Variants in WWC1 observed in about 807,000 individuals in gnomAD.
WWC1 encodes protein KIBRA.
Under a neutral mutation model 138.4 loss-of-function variants are expected in WWC1, and 55 were observed. The ratio of observed to expected loss-of-function variants is 0.40; its 90% CI spans 0.32 to 0.50. The LOEUF (loss-of-function observed/expected upper bound fraction) is 0.50, where lower values mean the gene tolerates loss of function less well. Among genes scored for constraint, WWC1 ranks in the 20% least tolerant of loss-of-function variants. The pLI is 0.72. For missense variants in WWC1, 1,226 were observed against 1,420.4 expected, an observed-to-expected ratio of 0.86 and a Z score of 2.20; for synonymous variants, 524 against 564.9, an observed-to-expected ratio of 0.93 and a Z score of 1.03.
intron 1 of WWC1, among the ~76,000 whole-genome samples, chr5:168,328,863 C>G (rs1270868012): frequency 1.3e-5 from 2 of 152,106 alleles, no homozygotes; most frequent in Non-Finnish European, 2.9e-5. Context: ...TTCCCTTTCC[C>G]CAAAAGTACT....
intron 1 of WWC1, among the ~76,000 whole-genome samples, chr5:168,294,538 C>T (rs1014827852): frequency 4.1e-5 from 6 of 147,672 alleles, no homozygotes; most frequent in South Asian, 2.1e-4. Context: ...CATGGAGAGG[C>T]GGCAGAAACA....
At chr5:168,438,752 A>C (rs1053033902) in intron 15 of WWC1, among the ~76,000 whole-genome samples, 1 of 152,084 alleles carries the variant, frequency 6.6e-6, no homozygotes, top group African/African-American at 2.4e-5. Flanking sequence ...GCCTCTGAGG[A>C]ATGATTAATT....
chr5:168,382,567 G>A (rs989125429), intron 2 of WWC1, among the ~76,000 whole-genome samples: 2 of 152,210 alleles, frequency 1.3e-5, no homozygotes, highest in Admixed American at 1.3e-4. Flanking sequence ...AGCTGGAGGT[G>A]TAGGGCAGAT....
Position 168,457,174 on chromosome 5 carries a change from A to G in WWC1, c.2823+1654A>G, listed in dbSNP as rs114906109. On this transcript the variant is annotated intron_variant, in intron 19 of 22. Transcript: ENST00000265293. Reference sequence around the variant, plus strand: ...TTTTTTTTTTTTTTAGCAAAGTCATATATTTTTCCTTCTTTGCTTTCTAGT... The same window carrying G: ...TTTTTTTTTTTTTTAGCAAAGTCATGTATTTTTCCTTCTTTGCTTTCTAGT... Among the ~76,000 whole-genome samples, 1,280 of 136,052 alleles carry G rather than the reference A, an allele frequency of 9.4e-3. 15 individuals carry two copies. Among genetic ancestry groups the G allele is most frequent in the African/African-American group, 0.033 (1,214 of 36,948 alleles). The allele number at this position is 136,052 out of a possible 152,430, so 89.3% of individuals were successfully genotyped here.
chr5:168,354,650 T>A (rs901911473), intron 1 of WWC1, among the ~76,000 whole-genome samples: 1 of 152,178 alleles, frequency 6.6e-6, no homozygotes, highest in African/African-American at 2.4e-5. Flanking sequence ...GACTTGCCAG[T>A]CTAGACATCT....
At position 168,470,307 on chromosome 5, in the gene WWC1, G is replaced by A. The variant is rs1757616498; in HGVS notation, c.*1290G>A. On this transcript the variant is annotated 3_prime_UTR_variant, in exon 23 of 23. Coordinates refer to ENST00000265293, the MANE Select transcript of WWC1 (RefSeq NM_015238.3). ...ACCAGCTATATCAGAATCACCTGGGGCAGCCTATTAAAAATGCAGACTGTT... is the reference window on the plus strand; with the variant it reads ...ACCAGCTATATCAGAATCACCTGGGACAGCCTATTAAAAATGCAGACTGTT... The A allele has an allele frequency of 6.6e-6, 1 of 152,174 alleles. No homozygotes were observed. The highest frequency in any genetic ancestry group is 1.9e-4 in the East Asian group (1 of 5,190). The allele number at this position is 152,174 out of a possible 1,614,324, so 9.4% of individuals were successfully genotyped here. A position where few individuals can be genotyped will look rare whatever the true frequency, so the allele number is the denominator to read the frequency against.
At chr5:168,372,534 G>GC (rs939610301) in intron 2 of WWC1, among the ~76,000 whole-genome samples, 1 of 152,188 alleles carries the variant, frequency 6.6e-6, no homozygotes, top group Admixed American at 6.5e-5. Flanking sequence ...CACAGTCTGT[G>GC]CCGTGTCCTG....
chr5:168,385,274 A>G lies in WWC1; in HGVS notation c.293A>G (p.Asp98Gly). The G allele has an allele frequency of 6.2e-7, 1 of 1,614,096 alleles. No homozygotes were observed. The highest frequency in any genetic ancestry group is 1.1e-5 in the South Asian group (1 of 91,082). Residue 98 changes from aspartate (D) to glycine (G), a missense_variant, in exon 3 of 23, where the codon GAT (aspartate) becomes GGT (glycine). By Grantham distance (94) the Asp-to-Gly change is moderately conservative. Coordinates refer to ENST00000265293, the MANE Select transcript of WWC1 (RefSeq NM_015238.3). ...WRREQEHMLK[D>G]YLVVAQEALS... is the part of the protein sequence containing the mutation. Reference sequence around the variant, plus strand: ...CGGGAGCAGGAACATATGCTGAAGGATTACCTGGTGGTGGCCCAGGAGGCT... The same window carrying G: ...CGGGAGCAGGAACATATGCTGAAGGGTTACCTGGTGGTGGCCCAGGAGGCT...
At chr5:168,379,087 CAAT>C (rs1193243921) in intron 2 of WWC1, among the ~76,000 whole-genome samples, 3 of 152,162 alleles carry the variant, frequency 2.0e-5, no homozygotes, top group East Asian at 1.9e-4. Context: ...AAGTGGTTCT[CAAT>C]GATGCCTGCA....
chr5:168,459,113 G>C (rs1756576579), intron 19 of WWC1, among the ~76,000 whole-genome samples: 1 of 151,972 alleles, frequency 6.6e-6, no homozygotes, highest in African/African-American at 2.4e-5. Flanking sequence ...AATTATCCGG[G>C]CACAGTGGCA....
In WWC1 at chr5:168,422,105, GTGGGCGGTGA is replaced by G. The variant is rs1263422480; in HGVS notation, c.1274+9_1274+18del. ...GCACTCCCAGCTGAAAAGGTGAGTG[GTGGGCGGTGA>G]GGCCACTGCTCCCCTGGGCATGGCC... On this transcript the variant is annotated intron_variant, in intron 10 of 22. Coordinates refer to ENST00000265293, the MANE Select transcript of WWC1 (RefSeq NM_015238.3). 6.2e-7 allele frequency: 1 copy of G among 1,612,212 alleles called. No individual in the cohort carries two copies. The highest frequency in any genetic ancestry group is 8.5e-7 in the Non-Finnish European group (1 of 1,179,076).
At chr5:168,344,620 C>A (rs373675033) in intron 1 of WWC1, among the ~76,000 whole-genome samples, 4 of 152,184 alleles carry the variant, frequency 2.6e-5, no homozygotes, top group Non-Finnish European at 4.4e-5. Flanking sequence ...TGGGAAAATT[C>A]TGTGAAGGGA....
intron 1 of WWC1, among the ~76,000 whole-genome samples, chr5:168,360,632 A>G (rs563345761): frequency 1.3e-5 from 2 of 152,284 alleles, no homozygotes; most frequent in East Asian, 3.9e-4. Flanking sequence ...AGACCAAGAG[A>G]AAGGGTTAAG....
chr5:168,406,737 C>T (rs377225670), intron 6 of WWC1, among the ~76,000 whole-genome samples: 103 of 151,890 alleles, frequency 6.8e-4, no homozygotes, highest in African/African-American at 2.3e-3. Context: ...GTCAGGAGAT[C>T]GAGACCATCC....
chr5:168,467,353 G>C (rs937617435), intron 21 of WWC1, among the ~76,000 whole-genome samples: 1 of 152,228 alleles, frequency 6.6e-6, no homozygotes, highest in East Asian at 1.9e-4. Context: ...TTTTAGGGCT[G>C]TCTGTGGTTT....
intron 8 of WWC1, among the ~76,000 whole-genome samples, chr5:168,413,782 C>T (rs1396732794): frequency 6.6e-6 from 1 of 152,166 alleles, no homozygotes; most frequent in East Asian, 1.9e-4. Flanking sequence ...TGACTCAGTA[C>T]TTGTTATGTG....
chr5:168,369,895 ATT>A (rs35999257), intron 1 of WWC1, among the ~76,000 whole-genome samples: 106 of 89,008 alleles, frequency 1.2e-3, no homozygotes, highest in Middle Eastern at 0.015. Context: ...TCATTGTGCA[ATT>A]TTTTTTTTTT....
chr5:168,411,015 T>C (rs1160607911), intron 8 of WWC1, among the ~76,000 whole-genome samples: 1 of 139,480 alleles, frequency 7.2e-6, no homozygotes, highest in East Asian at 2.3e-4. Context: ...AAGCTCCGCC[T>C]CCCGGGTTCA....
At position 168,292,423 on chromosome 5, in the gene WWC1, T is replaced by A. The variant is rs1409485586; in HGVS notation, c.119+152T>A. The A allele has an allele frequency of 6.7e-6, 6 of 892,236 alleles. No individual in the cohort carries two copies. The African/African-American group carries it at 1.1e-4, about 16-fold the overall frequency. 55.3% of individuals were successfully genotyped at this position (892,236 alleles called of 1,614,324 possible). ...TCGCCACCCCCTGCTCCCCCCAACCTTCTGGAGCGCTGCTCCCGCCTCAGT... is the reference window on the plus strand; with the variant it reads ...TCGCCACCCCCTGCTCCCCCCAACCATCTGGAGCGCTGCTCCCGCCTCAGT... On this transcript the variant is annotated intron_variant, in intron 1 of 22. Coordinates refer to ENST00000265293, the MANE Select transcript of WWC1 (RefSeq NM_015238.3). This position sits in a 1 kb window ranked among gnomAD's most constrained non-coding sequence, Gnocchi z 4.4.
Sources: allele counts gnomAD v4.1 joint callset (sites outside exome capture counted in the v4.1 genomes callset), GRCh38; gene constraint gnomAD v4.1.1; non-coding constraint Gnocchi (gnomAD v3.1); transcripts MANE v1.5; gene names NCBI Gene and HGNC (gene_info 2026-07-23, HGNC 2026-07-21).